CTNNA3: variants seen among roughly 807,000 people sequenced by gnomAD.
CTNNA3 encodes the protein catenin alpha 3, also known as catenin alpha-3.
Under a neutral mutation model 95.7 loss-of-function variants are expected in CTNNA3, and 76 were observed. That is an observed-to-expected ratio of 0.79 (90% confidence interval 0.66 to 0.96). CTNNA3 has a LOEUF of 0.96. CTNNA3 is among the 40% of genes least tolerant of loss of function. The pLI, the probability that CTNNA3 is intolerant of heterozygous loss-of-function variation, is 0.00. For synonymous variants in CTNNA3, 431 were observed against 374.4 expected, an observed-to-expected ratio of 1.15 and a Z score of -1.74; for missense variants, 1,191 against 1,089.8, an observed-to-expected ratio of 1.09 and a Z score of -1.31.
At chr10:66,869,430 C>T (rs1426305495) in intron 7 of CTNNA3, among the ~76,000 whole-genome samples, 1 of 151,720 alleles carries the variant, frequency 6.6e-6, no homozygotes, top group Non-Finnish European at 1.5e-5. Flanking sequence ...AAAATTAGCC[C>T]AGTGTGGTGG....
intron 5 of CTNNA3, among the ~76,000 whole-genome samples, chr10:67,241,706 A>G (rs142819855): frequency 1.3e-5 from 2 of 152,340 alleles, no homozygotes; most frequent in East Asian, 3.9e-4. Context: ...GTAGTGATTT[A>G]TTCTGTTCAA....
At chr10:65,924,867 T>A (rs1449038289) in intron 17 of CTNNA3, among the ~76,000 whole-genome samples, 1 of 152,192 alleles carries the variant, frequency 6.6e-6, no homozygotes, top group Admixed American at 6.5e-5. Flanking sequence ...ATGTCTTACA[T>A]GGTGGCAGGC....
chr10:67,187,045 T>C (rs1862886361), intron 6 of CTNNA3, among the ~76,000 whole-genome samples: 1 of 152,218 alleles, frequency 6.6e-6, no homozygotes, highest in South Asian at 2.1e-4. Flanking sequence ...GGAGAGCTTA[T>C]AATTTATTTG....
intron 9 of CTNNA3, among the ~76,000 whole-genome samples, chr10:66,750,516 T>C (rs1443022661): frequency 6.6e-6 from 1 of 152,228 alleles, no homozygotes; most frequent in East Asian, 1.9e-4. Context: ...CAAATGTTGG[T>C]TGACTGTCTT....
At position 67,647,479 on chromosome 10, in the gene CTNNA3, T is replaced by A. The variant is rs730880069; in HGVS notation, c.35A>T (p.Asp12Val). Residue 12 changes from aspartate to valine, a missense_variant, in exon 2 of 18, where the codon GAT (aspartate) becomes GTT (valine). By Grantham distance (152) the Asp-to-Val change is radical. Coordinates refer to ENST00000433211, the MANE Select transcript of CTNNA3 (RefSeq NM_013266.4). ...SAETPITLNIDPQDLQVQTFT... is the reference protein window; with the variant it reads ...SAETPITLNIVPQDLQVQTFT... ...TGTTTGGACCTGCAGATCCTGAGGA[T>A]CGATATTCAATGTGATTGGTGTTTC... is the stretch of plus-strand genomic sequence containing the variant. 4.3e-6 allele frequency: 7 copies of A among 1,613,342 alleles called. No individual in the cohort carries two copies. The African/African-American group carries it at 9.3e-5, about 22-fold the overall frequency.
intron 9 of CTNNA3, among the ~76,000 whole-genome samples, chr10:66,670,424 C>T (rs981495724): frequency 1.3e-5 from 2 of 152,150 alleles, no homozygotes; most frequent in African/African-American, 2.4e-5. Flanking sequence ...CCTTGGGGCT[C>T]TTCTCCAGGG....
chr10:66,456,306 C>T (rs1254578845), intron 11 of CTNNA3, among the ~76,000 whole-genome samples: 1 of 152,116 alleles, frequency 6.6e-6, no homozygotes, highest in African/African-American at 2.4e-5. Context: ...CTACTGTTAT[C>T]AAGACAATGT....
At chr10:67,318,853 T>C (rs533105928) in intron 5 of CTNNA3, among the ~76,000 whole-genome samples, 6 of 152,366 alleles carry the variant, frequency 3.9e-5, no homozygotes, top group African/African-American at 1.4e-4. Context: ...TGTCATAATC[T>C]AGCTGTTCAC....
chr10:65,941,605 G>A (rs1007694877), intron 17 of CTNNA3, among the ~76,000 whole-genome samples: 2 of 152,122 alleles, frequency 1.3e-5, no homozygotes, highest in Non-Finnish European at 2.9e-5. Context: ...TATGGGGAAG[G>A]AGGCCAGGAT....
At chr10:66,749,363 C>G (rs1209512930) in intron 9 of CTNNA3, among the ~76,000 whole-genome samples, 1 of 152,022 alleles carries the variant, frequency 6.6e-6, no homozygotes, top group Non-Finnish European at 1.5e-5. Context: ...TGTGCTCTAC[C>G]TCCTCACCTC....
rs1034733239 is a variant in CTNNA3, at chr10:67,102,564, G to C, written c.1047+77753C>G. Among the ~76,000 whole-genome samples the C allele has an allele frequency of 3.3e-5, 5 of 151,884 alleles. No homozygotes were observed. The East Asian group carries it at 9.7e-4, about 29-fold the overall frequency. On this transcript the variant is annotated intron_variant, in intron 7 of 17. Coordinates refer to ENST00000433211, the MANE Select transcript of CTNNA3 (RefSeq NM_013266.4). ...AACCATCTAGGACTTAGGCTACTAA[G>C]TTTCTTCCTCCTAGCTCTCATTTAT...
chr10:66,142,066 C>A (rs1157714690), intron 13 of CTNNA3, among the ~76,000 whole-genome samples: 2 of 152,084 alleles, frequency 1.3e-5, no homozygotes, highest in African/African-American at 4.8e-5. Flanking sequence ...GGTGTTGTAC[C>A]TAAAACGTCT....
chr10:67,726,872 A>G (rs1448524290), intron 1 of CTNNA3, among the ~76,000 whole-genome samples: 3 of 114,506 alleles, frequency 2.6e-5, no homozygotes, highest in Non-Finnish European at 4.8e-5. Context: ...ATATAATTAT[A>G]TATTATATAT....
At chr10:67,232,548 G>A (rs1165157465) in intron 5 of CTNNA3, among the ~76,000 whole-genome samples, 2 of 152,042 alleles carry the variant, frequency 1.3e-5, no homozygotes, top group Non-Finnish European at 2.9e-5. Context: ...ACCAGCCACT[G>A]CAAAATCATG....
intron 14 of CTNNA3, among the ~76,000 whole-genome samples, chr10:66,094,839 T>G (rs2081334261): frequency 6.6e-6 from 1 of 152,020 alleles, no homozygotes; most frequent in Non-Finnish European, 1.5e-5. Flanking sequence ...GTGGTGATAG[T>G]GGAGATGGTG....
Position 67,193,965 on chromosome 10 carries a change from G to A in CTNNA3, c.844-13445C>T, listed in dbSNP as rs981044308. Among the ~76,000 whole-genome samples, 11 of 151,840 alleles carry A rather than the reference G, an allele frequency of 7.2e-5. No homozygotes were observed. In the South Asian group the frequency reaches 8.3e-4, roughly 11 times the overall value. On this transcript the variant is annotated intron_variant, in intron 6 of 17. Transcript: ENST00000433211. ...AGTGTTCCCTTTGCTCCACAACCTC[G>A]CCAACATCTGTTATTTTTTTACTTT... is the stretch of plus-strand genomic sequence containing the variant.
rs1019023057 is a variant in CTNNA3 at position 66,534,543 on chromosome 10, A to T, written c.1375-13770T>A. Among the ~76,000 whole-genome samples the T allele has an allele frequency of 8.7e-5, 13 of 149,428 alleles. No individual in the cohort carries two copies. The East Asian group carries it at 2.5e-3, about 29-fold the overall frequency. The stretch of plus-strand genomic sequence containing the variant: ...TATCATATGTATCTATAAATCATAC[A>T]TTTATGTTTATATATATAAAAGAGA... On this transcript the variant is annotated intron_variant, in intron 10 of 17. Coordinates refer to ENST00000433211, the MANE Select transcript of CTNNA3 (RefSeq NM_013266.4).
chr10:67,508,277 G>T (rs546966158), intron 5 of CTNNA3, among the ~76,000 whole-genome samples: 2 of 152,084 alleles, frequency 1.3e-5, no homozygotes, highest in Non-Finnish European at 2.9e-5. Flanking sequence ...CTCCCAAAGT[G>T]CTGGGATTAC....
chr10:67,439,891 G>C (rs1474070338), intron 5 of CTNNA3, among the ~76,000 whole-genome samples: 2 of 152,176 alleles, frequency 1.3e-5, no homozygotes, highest in Non-Finnish European at 2.9e-5. Context: ...CTTTAGGGGA[G>C]ATGCAGAATA....
Sources: allele counts gnomAD v4.1 joint callset (sites outside exome capture counted in the v4.1 genomes callset), GRCh38; gene constraint gnomAD v4.1.1; transcripts MANE v1.5; gene names NCBI Gene and HGNC (gene_info 2026-07-23, HGNC 2026-07-21).